Variants in PLEKHA7 observed in about 807,000 individuals in gnomAD.
The protein encoded by PLEKHA7 is pleckstrin homology domain-containing family A member 7.
Under a neutral mutation model 170.0 loss-of-function variants are expected in PLEKHA7, and 104 were observed. The observed-to-expected ratio is 0.61, with a 90% confidence interval of 0.52 to 0.72. The LOEUF (loss-of-function observed/expected upper bound fraction) is 0.72, where lower values mean the gene tolerates loss of function less well. Among genes scored for constraint, PLEKHA7 ranks in the 30% least tolerant of loss-of-function variants. The probability of loss-of-function intolerance (pLI) is 0.00; values close to 1 mark genes in which losing one functional copy is unlikely to be tolerated. For synonymous variants in PLEKHA7, 648 were observed against 660.8 expected (o/e 0.98, Z 0.30); for missense variants, 1,615 against 1,671.7 (o/e 0.97, Z 0.59).
intron 3 of PLEKHA7, among the ~76,000 whole-genome samples, chr11:16,911,354 G>A (rs569499690): frequency 3.2e-4 from 48 of 152,254 alleles, no homozygotes; most frequent in African/African-American, 1.1e-3. Context: ...AGGGGCAGCT[G>A]CAACCACAAA....
At chr11:16,822,979 TG>T (rs1477311651) in intron 10 of PLEKHA7, among the ~76,000 whole-genome samples, 6 of 145,726 alleles carry the variant, frequency 4.1e-5, no homozygotes, top group East Asian at 2.0e-4. Context: ...GTTGTATGTA[TG>T]TATTATTTAT....
intron 12 of PLEKHA7, among the ~76,000 whole-genome samples, chr11:16,814,336 C>A (rs1198044594): frequency 6.6e-6 from 1 of 152,216 alleles, no homozygotes; most frequent in Non-Finnish European, 1.5e-5. Context: ...TCCTAAATCT[C>A]TCAAAACTCA....
At chr11:16,870,996 C>A in intron 4 of PLEKHA7, 103 bp downstream of exon 4, 1 of 825,782 alleles carries the variant, frequency 1.2e-6, no homozygotes. Context: ...TCACCCCAAG[C>A]CCCTCTGTCT....
rs112108208 is a variant in PLEKHA7 at position 16,824,144 on chromosome 11, G to T, written c.1343+1976C>A. Reference sequence around the variant, plus strand: ...GCAGGGGGGAGTAGGGATGCTTAATGGGTACAAAAATATAGTTAGATAGAA... The same window carrying T: ...GCAGGGGGGAGTAGGGATGCTTAATTGGTACAAAAATATAGTTAGATAGAA... On this transcript the variant is annotated intron_variant, in intron 10 of 26. Transcript: ENST00000531066. Among the ~76,000 whole-genome samples the T allele has an allele frequency of 9.5e-3, 1,453 of 152,210 alleles. 23 individuals carry two copies. The highest frequency in any genetic ancestry group is 0.032 in the African/African-American group (1,332 of 41,508).
intron 3 of PLEKHA7, among the ~76,000 whole-genome samples, chr11:16,961,814 T>C (rs938571754): frequency 1.3e-5 from 2 of 152,244 alleles, no homozygotes; most frequent in Non-Finnish European, 2.9e-5. Flanking sequence ...TGATTTAACT[T>C]AGGCAAGTCT....
At chr11:16,876,118 A>C (rs985076994) in intron 3 of PLEKHA7, among the ~76,000 whole-genome samples, 3 of 152,188 alleles carry the variant, frequency 2.0e-5, no homozygotes. Flanking sequence ...CTCCCCCGCC[A>C]CAAAAGCCCT....
At chr11:16,885,428 G>A (rs1418355958) in intron 3 of PLEKHA7, among the ~76,000 whole-genome samples, 1 of 152,116 alleles carries the variant, frequency 6.6e-6, no homozygotes, top group Non-Finnish European at 1.5e-5. Context: ...GGAGGCTGAG[G>A]TGGGCGGATC....
chr11:16,986,112 C>T (rs971241764), intron 3 of PLEKHA7, among the ~76,000 whole-genome samples: 1 of 152,170 alleles, frequency 6.6e-6, no homozygotes, highest in Non-Finnish European at 1.5e-5. Flanking sequence ...GGAGTGTGTT[C>T]AGGCCAGAGG....
chr11:16,816,111 T>G (rs3925307), intron 12 of PLEKHA7, 67 bp downstream of exon 12: 2 of 1,334,922 alleles, frequency 1.5e-6, no homozygotes, highest in Non-Finnish European at 2.2e-6. Context: ...TGCATTGTAC[T>G]AACTCAGAGG....
At chr11:16,993,489 CAG>C (rs1321274527) in intron 3 of PLEKHA7, among the ~76,000 whole-genome samples, 2 of 152,096 alleles carry the variant, frequency 1.3e-5, no homozygotes, top group African/African-American at 4.8e-5. Flanking sequence ...TCCTTGCTGG[CAG>C]AGTCATTGTG....
Position 16,849,565 on chromosome 11 carries a change from C to G in PLEKHA7, c.696+1626G>C, listed in dbSNP as rs535423595. The stretch of plus-strand genomic sequence containing the variant: ...CTGCGATGTCTGTGCAGCAAGTGAC[C>G]AAGATAAGACATGGAAGAAAAGCAA... On this transcript the variant is annotated intron_variant, in intron 8 of 26. Transcript: ENST00000531066. Among the ~76,000 whole-genome samples the G allele has an allele frequency of 7.2e-5, 11 of 152,144 alleles. 2 individuals are homozygous for G. The South Asian group carries it at 2.3e-3, about 32-fold the overall frequency.
intron 9 of PLEKHA7, among the ~76,000 whole-genome samples, chr11:16,840,476 C>A (rs1352467927): frequency 6.6e-6 from 1 of 152,162 alleles, no homozygotes; most frequent in Non-Finnish European, 1.5e-5. Flanking sequence ...AGGAGAATCG[C>A]TTGAATCCAG....
chr11:16,921,736 C>T (rs75921626), intron 3 of PLEKHA7, among the ~76,000 whole-genome samples: 126 of 152,320 alleles, frequency 8.3e-4, no homozygotes, highest in African/African-American at 2.9e-3. Flanking sequence ...ATACTGAGAT[C>T]ACTGTCTGGT....
chr11:16,936,071 T>C (rs1318035029), intron 3 of PLEKHA7, among the ~76,000 whole-genome samples: 1 of 152,064 alleles, frequency 6.6e-6, no homozygotes, highest in Non-Finnish European at 1.5e-5. Context: ...CCTTGCTGAA[T>C]AGAGAAAGTT....
In PLEKHA7 at chr11:17,014,319, A is replaced by T; in HGVS notation, c.83T>A (p.Ile28Asn). 6.9e-7 allele frequency: 1 copy of T among 1,443,114 alleles called. No individual in the cohort carries two copies. The highest frequency in any genetic ancestry group is 1.9e-4 in the Middle Eastern group (1 of 5,138). The allele number at this position is 1,443,114 out of a possible 1,614,324, so 89.4% of individuals were successfully genotyped here. The stretch of plus-strand genomic sequence containing the variant: ...TCCCCGGGTCCTCGCGCCGCACTTG[A>T]TGAAGAAGACGCGGCCATCCCGGCA... ...GVCRDGRVFFINDQLRCTTWL... is the reference protein window; with the variant it reads ...GVCRDGRVFFNNDQLRCTTWL... Residue 28 changes from isoleucine (I) to asparagine (N), a missense_variant, in exon 1 of 27, where the codon ATC becomes AAC. Transcript: ENST00000531066.
At chr11:16,868,441 C>T (rs1854567712) in intron 4 of PLEKHA7, among the ~76,000 whole-genome samples, 1 of 152,166 alleles carries the variant, frequency 6.6e-6, no homozygotes, top group South Asian at 2.1e-4. Context: ...TACCTGCCAA[C>T]AGTGGGGAGA....
intron 9 of PLEKHA7, among the ~76,000 whole-genome samples, chr11:16,831,422 C>G (rs1851099181): frequency 6.6e-6 from 1 of 152,206 alleles, no homozygotes; most frequent in African/African-American, 2.4e-5. Flanking sequence ...TGAAGCACCC[C>G]TCGGCCGTCA....
chr11:16,789,311 G>A lies in PLEKHA7; in HGVS notation c.3157-15C>T, dbSNP rs753800025. On this transcript the variant is annotated splice_polypyrimidine_tract_variant and intron_variant, in intron 22 of 26. Transcript: ENST00000531066. The surrounding 1 kb of genome is among the most constrained non-coding windows in gnomAD (Gnocchi z 4.6). ...CTCTTAGGTCTCTGAGGAAGAGGAG[G>A]CAGGCAAGAGAGACACAGAACAGCT... 9 of 1,611,370 alleles carry A rather than the reference G, an allele frequency of 5.6e-6. No homozygotes were observed. Among genetic ancestry groups the A allele is most frequent in the Admixed American group, 5.0e-5 (3 of 60,024 alleles).
chr11:16,777,539 G>C lies in PLEKHA7; in HGVS notation c.*1459C>G, dbSNP rs926366863. The C allele has an allele frequency of 3.9e-5, 6 of 152,118 alleles. No individual in the cohort carries two copies. The highest frequency in any genetic ancestry group is 7.4e-5 in the Non-Finnish European group (5 of 67,992). The allele number at this position is 152,118 out of a possible 1,614,324, so 9.4% of individuals were successfully genotyped here. On this transcript the variant is annotated 3_prime_UTR_variant, in exon 27 of 27. Transcript: ENST00000531066. ...ATTTTTTTTTCTGAGCATAGTCAAA[G>C]AGAAATTTTCATTTAAAGTGTGGCT...
Sources: allele counts gnomAD v4.1 joint callset (sites outside exome capture counted in the v4.1 genomes callset), GRCh38; gene constraint gnomAD v4.1.1; non-coding constraint Gnocchi (gnomAD v3.1); transcripts MANE v1.5; gene names NCBI Gene and HGNC (gene_info 2026-07-23, HGNC 2026-07-21).